CNTNAP5: variants seen among roughly 807,000 people sequenced by gnomAD.
CNTNAP5 encodes the protein contactin-associated protein-like 5.
Under a neutral mutation model 150.2 loss-of-function variants are expected in CNTNAP5, and 72 were observed. The observed-to-expected ratio is 0.48, with a 90% CI of 0.40 to 0.58. The LOEUF (loss-of-function observed/expected upper bound fraction) is 0.58, where lower values mean the gene tolerates loss of function less well. CNTNAP5 is among the 20% of genes least tolerant of loss of function. The probability of loss-of-function intolerance (pLI) is 0.00; values close to 1 mark genes in which losing one functional copy is unlikely to be tolerated. For missense variants in CNTNAP5, 1,636 were observed against 1,626.2 expected (o/e 1.01, Z -0.10); for synonymous variants, 672 against 619.8 (o/e 1.08, Z -1.25).
chr2:124,534,371 T>C (rs1196788336), intron 10 of CNTNAP5, among the ~76,000 whole-genome samples: 4 of 152,226 alleles, frequency 2.6e-5, no homozygotes, highest in African/African-American at 9.6e-5. Context: ...TGACATGGGC[T>C]GCTTTACTGA....
At chr2:124,607,882 A>C (rs1294332028) in intron 11 of CNTNAP5, among the ~76,000 whole-genome samples, 1 of 152,178 alleles carries the variant, frequency 6.6e-6, no homozygotes, top group Admixed American at 6.5e-5. Context: ...GGTTTAGGCA[A>C]ACAAAAATAA....
At chr2:124,711,924 T>C (rs562009056) in intron 13 of CNTNAP5, among the ~76,000 whole-genome samples, 1 of 152,168 alleles carries the variant, frequency 6.6e-6, no homozygotes, top group Non-Finnish European at 1.5e-5. Flanking sequence ...GTAATTTCTA[T>C]TTTTTACTAT....
In CNTNAP5 at chr2:124,609,766, G is replaced by A. The variant is rs947380502; in HGVS notation, c.1757-35G>A. The A allele has an allele frequency of 2.1e-5, 34 of 1,608,158 alleles. No homozygotes were observed. The Admixed American group carries it at 3.8e-4, about 18-fold the overall frequency. The stretch of plus-strand genomic sequence containing the variant: ...CCTGCAAAGGGATATGCAGAGCCAA[G>A]CAAAGTTTTATCTCTGCTGCCTTTG... On this transcript the variant is annotated intron_variant, in intron 11 of 23. Transcript: ENST00000682447.
rs374097602 is a variant in CNTNAP5 at position 124,313,283 on chromosome 2, T to C, written c.381+70890T>C. 5.9e-5 allele frequency among the ~76,000 whole-genome samples: 9 copies of C among 152,364 alleles called. No individual in the cohort carries two copies. In the East Asian group the frequency reaches 1.7e-3, roughly 29 times the overall value. ...TGTTTTGTTTTGTTTCGTTTTGTTT[T>C]GTTTTTTCTGTTACATTTAGGCATC... On this transcript the variant is annotated intron_variant, in intron 3 of 23. Transcript: ENST00000682447.
intron 11 of CNTNAP5, among the ~76,000 whole-genome samples, chr2:124,574,047 A>G (rs976731989): frequency 2.6e-5 from 4 of 152,248 alleles, no homozygotes; most frequent in African/African-American, 9.6e-5. Context: ...CTGCTAGGTC[A>G]TATGGCTGTT....
At chr2:124,496,218 A>G (rs2104854986) in intron 7 of CNTNAP5, among the ~76,000 whole-genome samples, 1 of 152,278 alleles carries the variant, frequency 6.6e-6, no homozygotes, top group Admixed American at 6.5e-5. Flanking sequence ...TTGATTCCCG[A>G]GTCACCCTGA....
At chr2:124,401,934 T>A (rs1002438655) in intron 3 of CNTNAP5, among the ~76,000 whole-genome samples, 8 of 152,214 alleles carry the variant, frequency 5.3e-5, no homozygotes, top group Admixed American at 3.9e-4. Context: ...ATGGAAGACA[T>A]TACCCCCTGC....
chr2:124,347,915 C>G (rs1186636881), intron 3 of CNTNAP5, among the ~76,000 whole-genome samples: 1 of 151,766 alleles, frequency 6.6e-6, no homozygotes, highest in Non-Finnish European at 1.5e-5. Flanking sequence ...AGCTCCGCCT[C>G]CCAGGTTCAC....
intron 3 of CNTNAP5, among the ~76,000 whole-genome samples, chr2:124,376,168 A>T (rs1690644543): frequency 6.6e-6 from 1 of 152,150 alleles, no homozygotes; most frequent in Non-Finnish European, 1.5e-5. Flanking sequence ...AACCGTCTAT[A>T]CCAATATAGA....
chr2:124,206,942 T>C (rs116056838), intron 1 of CNTNAP5, among the ~76,000 whole-genome samples: 17 of 152,298 alleles, frequency 1.1e-4, no homozygotes, highest in Middle Eastern at 6.8e-3. Context: ...TATTAATAGA[T>C]ATGAAACATA....
At chr2:124,698,694 G>A (rs532694216) in intron 13 of CNTNAP5, among the ~76,000 whole-genome samples, 1 of 152,000 alleles carries the variant, frequency 6.6e-6, no homozygotes, top group Non-Finnish European at 1.5e-5. Context: ...GTCCAGGCAG[G>A]TGCTTTCCAC....
At chr2:124,516,476 G>T (rs934668467) in intron 8 of CNTNAP5, among the ~76,000 whole-genome samples, 2 of 152,192 alleles carry the variant, frequency 1.3e-5, no homozygotes, top group South Asian at 4.1e-4. Context: ...GATGTAATAG[G>T]TTTAGAGATA....
At chr2:124,392,687 CAAAA>C (rs35107442) in intron 3 of CNTNAP5, among the ~76,000 whole-genome samples, 7,969 of 68,984 alleles carry the variant, frequency 0.12, 309 homozygotes, top group African/African-American at 0.2. Context: ...TTTTCTTTGC[CAAAA>C]AAAAAAAAAA....
At chr2:124,821,214 C>T (rs899719986) in intron 19 of CNTNAP5, among the ~76,000 whole-genome samples, 4 of 152,070 alleles carry the variant, frequency 2.6e-5, no homozygotes, top group South Asian at 2.1e-4. Context: ...CTCCACTTAC[C>T]GATAAGAAAA....
chr2:124,106,938 T>C (rs1017897551), intron 1 of CNTNAP5, among the ~76,000 whole-genome samples: 4 of 152,110 alleles, frequency 2.6e-5, no homozygotes, highest in African/African-American at 9.6e-5. Context: ...GACTTGAAAA[T>C]TGATTGGTGT....
chr2:124,506,189 A>AG, intron 8 of CNTNAP5, among the ~76,000 whole-genome samples: 1 of 126,006 alleles, frequency 7.9e-6, no homozygotes, highest in Non-Finnish European at 1.7e-5. Flanking sequence ...CAGACTTTTA[A>AG]AGAAAAAAAA....
At chr2:124,040,192 G>C (rs1022811783) in intron 1 of CNTNAP5, among the ~76,000 whole-genome samples, 1 of 152,092 alleles carries the variant, frequency 6.6e-6, no homozygotes, top group East Asian at 1.9e-4. Flanking sequence ...ATTTACTGTG[G>C]TTATTTTTAT....
At chr2:124,143,867 T>C (rs11887514) in intron 1 of CNTNAP5, among the ~76,000 whole-genome samples, 34,334 of 38,018 alleles carry the variant, frequency 0.9, 15,868 homozygotes, top group Non-Finnish European at 0.98. Flanking sequence ...TGTTTGCAGA[T>C]GACATGATTG....
intron 7 of CNTNAP5, among the ~76,000 whole-genome samples, chr2:124,483,173 G>C (rs962197644): frequency 6.6e-6 from 1 of 152,132 alleles, no homozygotes; most frequent in Admixed American, 6.5e-5. Flanking sequence ...CTGAACCAGA[G>C]TAATGCTCAA....
Sources: allele counts gnomAD v4.1 joint callset (sites outside exome capture counted in the v4.1 genomes callset), GRCh38; gene constraint gnomAD v4.1.1; transcripts MANE v1.5; gene names NCBI Gene and HGNC (gene_info 2026-07-23, HGNC 2026-07-21).